TRIM35: variants seen among roughly 807,000 people sequenced by gnomAD.
The protein encoded by TRIM35 is tripartite motif containing 35, also known as E3 ubiquitin-protein ligase TRIM35.
TRIM35 carries 37 observed loss-of-function variants against 49.1 expected under a neutral mutation model. The observed-to-expected ratio is 0.75, with a 90% CI of 0.58 to 0.99. The LOEUF (loss-of-function observed/expected upper bound fraction) is 0.99, where lower values mean the gene tolerates loss of function less well. Ranked by LOEUF, TRIM35 falls within the 50% of genes least tolerant of loss-of-function variation. The pLI is 0.00. For missense variants in TRIM35, 648 were observed against 702.7 expected, an observed-to-expected ratio of 0.92 and a Z score of 0.88; for synonymous variants, 302 against 289.3, an observed-to-expected ratio of 1.04 and a Z score of -0.45.
intron 1 of TRIM35, among the ~76,000 whole-genome samples, chr8:27,306,180 G>A (rs777902635): frequency 3.9e-5 from 6 of 152,042 alleles, no homozygotes; most frequent in African/African-American, 9.7e-5. Context: ...ATAGAATGAC[G>A]CACGGTCTGT....
intron 1 of TRIM35, among the ~76,000 whole-genome samples, chr8:27,303,547 C>T (rs1164191702): frequency 6.6e-6 from 1 of 152,174 alleles, no homozygotes; most frequent in African/African-American, 2.4e-5. Context: ...CTGCCTGTAG[C>T]CCAAGGAGCA....
At position 27,288,065 on chromosome 8, in the gene TRIM35, T is replaced by G; in HGVS notation, c.967A>C (p.Ser323Arg). 1 of 1,612,840 alleles carries G rather than the reference T, an allele frequency of 6.2e-7. No individual in the cohort carries two copies. Among genetic ancestry groups the G allele is most frequent in the South Asian group, 1.1e-5 (1 of 91,082 alleles). Reference sequence around the variant, plus strand: ...ACGCGGTAGCCATGGTTGGTGACGCTGGTGAGGTCGTCAGACACGGAGAGC... The same window carrying G: ...ACGCGGTAGCCATGGTTGGTGACGCGGGTGAGGTCGTCAGACACGGAGAGC... ...GWLSVSDDLTSVTNHGYRVQV... is the reference protein window; with the variant it reads ...GWLSVSDDLTRVTNHGYRVQV... Residue 323 changes from serine to arginine, a missense_variant, in exon 6 of 6, where the codon AGC (serine) becomes CGC (arginine). By Grantham distance (110) the Ser-to-Arg change is moderately radical (BLOSUM62 -1). Coordinates refer to ENST00000305364, the MANE Select transcript of TRIM35 (RefSeq NM_171982.5).
chr8:27,303,946 G>A (rs751317954), intron 1 of TRIM35, among the ~76,000 whole-genome samples: 19 of 152,256 alleles, frequency 1.2e-4, no homozygotes, highest in Admixed American at 1.2e-3. Context: ...CGCCCGCCTC[G>A]GCATCCCAAA....
At chr8:27,298,402 A>C in intron 2 of TRIM35, 62 bp downstream of exon 2, 4 of 1,513,552 alleles carry the variant, frequency 2.6e-6, no homozygotes, top group Non-Finnish European at 3.7e-6. Context: ...ACACATCTTC[A>C]CTCCTCCCCA....
At chr8:27,307,506 ATG>A (rs2130319904) in intron 1 of TRIM35, among the ~76,000 whole-genome samples, 1 of 152,204 alleles carries the variant, frequency 6.6e-6, no homozygotes, top group South Asian at 2.1e-4. Flanking sequence ...AGCTGAAACT[ATG>A]TAATTATTAG....
At chr8:27,290,235 A>C in intron 3 of TRIM35, 57 bp from the exon 4 acceptor site, 1 of 1,573,204 alleles carries the variant, frequency 6.4e-7, no homozygotes, top group South Asian at 1.1e-5. Context: ...GGAAATGTAT[A>C]TGTTTCTGAC....
intron 1 of TRIM35, among the ~76,000 whole-genome samples, chr8:27,309,885 G>C (rs1433864505): frequency 6.6e-6 from 1 of 151,550 alleles, no homozygotes; most frequent in Admixed American, 6.6e-5. Flanking sequence ...TCAGCTACTC[G>C]GGAGGCTGAG....
Position 27,287,420 on chromosome 8 carries a change from C to G in TRIM35, c.*130G>C. On this transcript the variant is annotated 3_prime_UTR_variant, in exon 6 of 6. Transcript: ENST00000305364. This position sits in a 1 kb window ranked among gnomAD's most constrained non-coding sequence, Gnocchi z 6.0. ...CACAGCCTGGAGTCATGGAAAAGGA[C>G]CAGGCAGGACAGGAGGAAGAGCCTG... 1.0e-6 allele frequency: 1 copy of G among 997,658 alleles called. No individual in the cohort carries two copies. Among genetic ancestry groups the G allele is most frequent in the Non-Finnish European group, 1.4e-6 (1 of 690,284 alleles). The allele number at this position is 997,658 out of a possible 1,614,324, so 61.8% of individuals were successfully genotyped here. A position where few individuals can be genotyped will look rare whatever the true frequency, so the allele number is the denominator to read the frequency against.
At chr8:27,295,420 A>C (rs1482107753) in intron 2 of TRIM35, among the ~76,000 whole-genome samples, 2 of 152,234 alleles carry the variant, frequency 1.3e-5, no homozygotes, top group Non-Finnish European at 2.9e-5. Context: ...CTGAAAGTTA[A>C]ATACAGATGC....
rs368531184 is a variant in TRIM35 at position 27,285,697 on chromosome 8, A to G, written c.*1853T>C. 6.7e-6 allele frequency: 1 copy of G among 149,200 alleles called. No homozygotes were observed. The highest frequency in any genetic ancestry group is 2.5e-5 in the African/African-American group (1 of 40,668). 9.2% of individuals were successfully genotyped at this position (149,200 alleles called of 1,614,324 possible). A position where few individuals can be genotyped will look rare whatever the true frequency, so the allele number is the denominator to read the frequency against. On this transcript the variant is annotated 3_prime_UTR_variant, in exon 6 of 6. Coordinates refer to ENST00000305364, the MANE Select transcript of TRIM35 (RefSeq NM_171982.5). ...AAAAAAAAAAAAAAAAACTCTTCCC[A>G]TATCTAAGGTGAAAATAAAAAACAT...
intron 1 of TRIM35, among the ~76,000 whole-genome samples, chr8:27,302,319 G>A (rs11996459): frequency 0.45 from 68,385 of 151,970 alleles, 15,704 homozygotes; most frequent in African/African-American, 0.47. Flanking sequence ...AGCTCTCAAC[G>A]AAGTATATTT....
chr8:27,290,635 T>C (rs1274317857), intron 3 of TRIM35, among the ~76,000 whole-genome samples: 1 of 152,240 alleles, frequency 6.6e-6, no homozygotes, highest in African/African-American at 2.4e-5. Context: ...TATTGTTTTA[T>C]AATTTACCCA....
In TRIM35 at chr8:27,298,490, A is replaced by G; in HGVS notation, c.505T>C (p.Tyr169His). 6.2e-7 allele frequency: 1 copy of G among 1,614,240 alleles called. No homozygotes were observed. Among genetic ancestry groups the G allele is most frequent in the Non-Finnish European group, 8.5e-7 (1 of 1,180,042 alleles). ...TGATTGTGCTTGGCGATGGCCTCAT[A>G]GGAGCGCCGCATGGCCCAGAAGGCC... The part of the protein sequence containing the change: ...AKAFWAMRRS[Y>H]EAIAKHNQVE... Residue 169 changes from tyrosine to histidine, a missense_variant, in exon 2 of 6, where the codon TAT (tyrosine) becomes CAT (histidine). Physicochemically the swap from Tyr to His is moderately conservative, Grantham distance 83. Transcript: ENST00000305364.
intron 3 of TRIM35, among the ~76,000 whole-genome samples, chr8:27,291,348 A>G (rs925683882): frequency 7.9e-5 from 12 of 152,226 alleles, no homozygotes; most frequent in Non-Finnish European, 4.4e-5. Flanking sequence ...GACATGCAAT[A>G]CACAAGGAGA....
At position 27,295,075 on chromosome 8, in the gene TRIM35, C is replaced by T. The variant is rs556496429; in HGVS notation, c.532-765G>A. Reference sequence around the variant, plus strand: ...CTGACTTAAGGTGATCTGCCCGCCTCGGCCTCCCAAAGTGCTGGGATTACA... The same window carrying T: ...CTGACTTAAGGTGATCTGCCCGCCTTGGCCTCCCAAAGTGCTGGGATTACA... On this transcript the variant is annotated intron_variant, in intron 2 of 5. Coordinates refer to ENST00000305364, the MANE Select transcript of TRIM35 (RefSeq NM_171982.5). 5.9e-5 allele frequency among the ~76,000 whole-genome samples: 9 copies of T among 152,290 alleles called. No homozygotes were observed. The East Asian group carries it at 1.4e-3, about 23-fold the overall frequency.
chr8:27,289,258 C>G lies in TRIM35; in HGVS notation c.808G>C (p.Glu270Gln), dbSNP rs776798583. The change falls in exon 5 of 6, where the codon GAG (glutamate) becomes CAG (glutamine). Residue 270 changes from glutamate (E) to glutamine (Q), a missense_variant. Physicochemically the swap from Glu to Gln is conservative, Grantham distance 29 (BLOSUM62 2). Coordinates refer to ENST00000305364, the MANE Select transcript of TRIM35 (RefSeq NM_171982.5). ...KRRLFCTMEP[E>Q]PVQPGMLIDV... ...ATAAGCATGCCGGGCTGGACTGGCT[C>G]TGGCTCCATGGTGCAGAAGAGTCTG... 1.2e-6 allele frequency: 2 copies of G among 1,614,168 alleles called. No individual in the cohort carries two copies. The highest frequency in any genetic ancestry group is 3.3e-5 in the Admixed American group (2 of 60,030).
chr8:27,291,058 CAAAAAAA>C (rs56953962), intron 3 of TRIM35, among the ~76,000 whole-genome samples: 8 of 50,620 alleles, frequency 1.6e-4, no homozygotes, highest in Admixed American at 2.0e-4. Flanking sequence ...TGTTGACATG[CAAAAAAA>C]AAAAAAAAAA....
intron 4 of TRIM35, 78 bp downstream of exon 4, chr8:27,290,078 C>T (rs1802421580): frequency 6.4e-7 from 1 of 1,559,594 alleles, no homozygotes; most frequent in Non-Finnish European, 8.8e-7. Flanking sequence ...TACCTGCTTG[C>T]CCCGGGGCCA....
At chr8:27,295,130 A>G (rs940182551) in intron 2 of TRIM35, among the ~76,000 whole-genome samples, 3 of 152,210 alleles carry the variant, frequency 2.0e-5, no homozygotes, top group African/African-American at 4.8e-5. Context: ...AGCCTCACAA[A>G]AAGTTTTTTA....
Sources: allele counts gnomAD v4.1 joint callset (sites outside exome capture counted in the v4.1 genomes callset), GRCh38; gene constraint gnomAD v4.1.1; non-coding constraint Gnocchi (gnomAD v3.1); transcripts MANE v1.5; gene names NCBI Gene and HGNC (gene_info 2026-07-23, HGNC 2026-07-21).